The following TAF1B variants were observed in gnomAD, a reference collection of about 807,000 sequenced individuals.
The protein encoded by TAF1B is TATA-box binding protein associated factor, RNA polymerase I subunit B.
Under a neutral mutation model 83.9 loss-of-function variants are expected in TAF1B, and 61 were observed. The observed-to-expected ratio is 0.73, with a 90% CI of 0.59 to 0.90. The LOEUF (loss-of-function observed/expected upper bound fraction) is 0.90. TAF1B is among the 40% of genes least tolerant of loss of function. The pLI, the probability that TAF1B is intolerant of heterozygous loss-of-function variation, is 0.00. For synonymous variants in TAF1B, 221 were observed against 224.6 expected, an observed-to-expected ratio of 0.98 and a Z score of 0.14; for missense variants, 625 against 677.0, an observed-to-expected ratio of 0.92 and a Z score of 0.85.
In TAF1B at chr2:9,923,450, G is replaced by A. The variant is rs552878744; in HGVS notation, c.1565+3630G>A. On this transcript the variant is annotated intron_variant, in intron 14 of 14. Transcript: ENST00000263663. ...TCCCAGCACTTTGGGAGGCCAAGGC[G>A]GGCAGATCACCTGAGGTCTGGAGTT... Among the ~76,000 whole-genome samples, 8 of 152,034 alleles carry A rather than the reference G, an allele frequency of 5.3e-5. No homozygotes were observed. In the East Asian group the frequency reaches 1.2e-3, roughly 22 times the overall value.
intron 8 of TAF1B, among the ~76,000 whole-genome samples, chr2:9,896,642 AGC>A (rs1665027909): frequency 7.7e-6 from 1 of 130,176 alleles, no homozygotes; most frequent in Non-Finnish European, 1.6e-5. Context: ...AAAAAAAAAA[AGC>A]TTTAAAAACC....
chr2:9,884,720 C>A (rs35390016), intron 8 of TAF1B, among the ~76,000 whole-genome samples: 4 of 151,902 alleles, frequency 2.6e-5, no homozygotes, highest in African/African-American at 9.7e-5. Flanking sequence ...CAGCTCTCAG[C>A]AGAGAGGGGG....
chr2:9,888,311 A>ATT (rs34112216), intron 8 of TAF1B, among the ~76,000 whole-genome samples: 50,917 of 149,652 alleles, frequency 0.34, 9,777 homozygotes, highest in Middle Eastern at 0.5. Context: ...ATGCATTGGG[A>ATT]TTTTTTTTTT....
In TAF1B at chr2:9,906,554, AAC is replaced by A. The variant is rs1255257687; in HGVS notation, c.955+1550_955+1551del. On this transcript the variant is annotated intron_variant, in intron 9 of 14. Transcript: ENST00000263663. ...CCAAAAGAAAGGGAAGGGTTATGTA[AAC>A]AGTGTTGTGTACGTTCAGTGGAACT... Among the ~76,000 whole-genome samples the A allele has an allele frequency of 2.0e-5, 3 of 152,190 alleles. No individual in the cohort carries two copies. In the East Asian group the frequency reaches 5.8e-4, roughly 29 times the overall value.
chr2:9,882,890 T>C, intron 8 of TAF1B, 85 bp downstream of exon 8: 1 of 968,416 alleles, frequency 1.0e-6, no homozygotes. Flanking sequence ...TGACTTATTA[T>C]TTGGTGTTTT....
chr2:9,849,939 C>T (rs535506825), intron 3 of TAF1B, among the ~76,000 whole-genome samples: 2 of 152,114 alleles, frequency 1.3e-5, no homozygotes, highest in African/African-American at 4.8e-5. Flanking sequence ...ACCAAATCCC[C>T]AAGTTTGAAA....
rs373461123 is a variant in TAF1B, at chr2:9,875,869, G to A, written c.558G>A (p.Thr186=). The change falls in exon 7 of 15, where the codon ACG becomes ACA. Residue 186 remains threonine, a synonymous_variant. Coordinates refer to ENST00000263663, the MANE Select transcript of TAF1B (RefSeq NM_005680.3). ...FPVSKASQSE[T]SVCSGSLDGV... ...AATCTCCATTTATCTCCTAAGAAACGTCTGTCTGCTCTGGATCTCTGGATG... is the reference window on the plus strand; with the variant it reads ...AATCTCCATTTATCTCCTAAGAAACATCTGTCTGCTCTGGATCTCTGGATG... The A allele has an allele frequency of 5.1e-5, 81 of 1,579,742 alleles. 2 individuals carry two copies. The South Asian group carries it at 7.9e-4, about 15-fold the overall frequency.
At chr2:9,926,743 G>T (rs889449815) in intron 14 of TAF1B, among the ~76,000 whole-genome samples, 7 of 148,452 alleles carry the variant, frequency 4.7e-5, no homozygotes, top group Admixed American at 3.4e-4. Context: ...GGGGGCTGAG[G>T]CAGGAGAATC....
chr2:9,919,478 G>A, intron 13 of TAF1B, 120 bp from the exon 14 acceptor site: 1 of 809,416 alleles, frequency 1.2e-6, no homozygotes, highest in Non-Finnish European at 2.0e-6. Context: ...TTACATTACT[G>A]TGGTACATCT....
intron 5 of TAF1B, among the ~76,000 whole-genome samples, chr2:9,867,977 G>A (rs747848827): frequency 6.6e-5 from 10 of 152,182 alleles, no homozygotes; most frequent in Non-Finnish European, 1.3e-4. Flanking sequence ...TCATTGATGC[G>A]CGATGTTTTC....
intron 5 of TAF1B, among the ~76,000 whole-genome samples, chr2:9,865,741 C>T (rs10184711): frequency 1 from 151,030 of 151,358 alleles, 75,353 homozygotes; most frequent in East Asian, 1. Context: ...AACAGAGATA[C>T]AGACCAATGG....
intron 5 of TAF1B, among the ~76,000 whole-genome samples, chr2:9,857,743 C>G (rs539679255): frequency 6.6e-6 from 1 of 152,082 alleles, no homozygotes; most frequent in African/African-American, 2.4e-5. Context: ...AGAGAGAGTG[C>G]GTGCGTGTGA....
intron 6 of TAF1B, among the ~76,000 whole-genome samples, chr2:9,870,102 A>G (rs1237690664): frequency 7.1e-6 from 1 of 140,402 alleles, no homozygotes; most frequent in Non-Finnish European, 1.6e-5. Context: ...AACTTAAAGT[A>G]TAATAATAAA....
At chr2:9,870,513 C>T (rs566954425) in intron 6 of TAF1B, among the ~76,000 whole-genome samples, 1 of 152,234 alleles carries the variant, frequency 6.6e-6, no homozygotes, top group East Asian at 1.9e-4. Flanking sequence ...TGTAGTCTAC[C>T]TTCAGCTAAT....
intron 6 of TAF1B, among the ~76,000 whole-genome samples, chr2:9,875,361 T>C (rs1293238181): frequency 1.3e-5 from 2 of 152,228 alleles, no homozygotes; most frequent in African/African-American, 4.8e-5. Context: ...TACTCTTTAT[T>C]GCCAAATTGC....
intron 8 of TAF1B, among the ~76,000 whole-genome samples, chr2:9,890,498 G>A (rs1402509856): frequency 1.3e-5 from 2 of 151,982 alleles, no homozygotes; most frequent in African/African-American, 4.8e-5. Context: ...AAAAAAAATT[G>A]TAGTCTCTGT....
intron 8 of TAF1B, among the ~76,000 whole-genome samples, chr2:9,897,146 C>T (rs1553289580): frequency 6.6e-6 from 1 of 152,088 alleles, no homozygotes; most frequent in Non-Finnish European, 1.5e-5. Flanking sequence ...AAATCTAGTA[C>T]CTTTCAGGGG....
intron 5 of TAF1B, 37 bp downstream of exon 5, chr2:9,854,458 T>C (rs761968150): frequency 6.7e-7 from 1 of 1,500,428 alleles, no homozygotes; most frequent in South Asian, 1.1e-5. Flanking sequence ...TTAAAAAACA[T>C]GTCTGTTGAG....
chr2:9,912,735 G>A (rs946156289), intron 11 of TAF1B, among the ~76,000 whole-genome samples: 4 of 152,178 alleles, frequency 2.6e-5, no homozygotes, highest in Admixed American at 6.5e-5. Context: ...GGAGATTGAG[G>A]TTTAGAAAAG....
Sources: allele counts gnomAD v4.1 joint callset (sites outside exome capture counted in the v4.1 genomes callset), GRCh38; gene constraint gnomAD v4.1.1; transcripts MANE v1.5; gene names NCBI Gene and HGNC (gene_info 2026-07-23, HGNC 2026-07-21).